CDKL5: variants seen among roughly 807,000 people sequenced by gnomAD.
CDKL5 encodes cyclin dependent kinase like 5.
Under a neutral mutation model 61.7 loss-of-function variants are expected in CDKL5, and 8 were observed. That is an observed-to-expected ratio of 0.13 (90% CI 0.08 to 0.23). The LOEUF is 0.23. CDKL5 is among the 10% of genes least tolerant of loss of function. The probability of loss-of-function intolerance (pLI) is 1.00; values close to 1 mark genes in which losing one functional copy is unlikely to be tolerated. For synonymous variants in CDKL5, 275 were observed against 272.3 expected, an observed-to-expected ratio of 1.01 and a Z score of -0.10; for missense variants, 440 against 734.5, an observed-to-expected ratio of 0.60 and a Z score of 4.63.
chrX:18,642,004 T>G, downstream of CDKL5: 1 of 1,211,250 alleles, frequency 8.3e-7, no homozygotes, highest in Non-Finnish European at 1.1e-6. Flanking sequence ...GAGGCAGGCA[T>G]CAGGCACACT....
At chrX:18,456,263 C>G (rs896404488) in intron 1 of CDKL5, among the ~76,000 whole-genome samples, 1 of 110,723 alleles carries the variant, frequency 9.0e-6, no homozygotes, top group Admixed American at 9.7e-5. Context: ...TGGTCGAACT[C>G]CTGACTTCAG....
At chrX:18,605,023 G>GT (rs1199949361) in intron 12 of CDKL5, among the ~76,000 whole-genome samples, 155 bp downstream of exon 12, 1 of 111,231 alleles carries the variant, frequency 9.0e-6, no homozygotes. Context: ...CCTAATCTCT[G>GT]TTTTTTTGTT....
chrX:18,615,572 C>T (rs1926690570), intron 15 of CDKL5, among the ~76,000 whole-genome samples: 1 of 111,125 alleles, frequency 9.0e-6, no homozygotes, highest in Non-Finnish European at 1.9e-5. Flanking sequence ...TACATGCCAC[C>T]ATGTCTGGCT....
At chrX:18,473,713 T>C (rs762503313) in intron 1 of CDKL5, among the ~76,000 whole-genome samples, 3 of 93,213 alleles carry the variant, frequency 3.2e-5, no homozygotes, top group Non-Finnish European at 4.3e-5. Context: ...CTTCTCTCTC[T>C]TTTTTTTTTT....
At chrX:18,544,468 C>T (rs2147118017) in intron 3 of CDKL5, among the ~76,000 whole-genome samples, 1 of 111,660 alleles carries the variant, frequency 9.0e-6, no homozygotes, top group African/African-American at 3.3e-5. Flanking sequence ...CTAATAGCAA[C>T]CTCAGGAATA....
chrX:18,572,248 C>G (rs1430311379), intron 4 of CDKL5, among the ~76,000 whole-genome samples: 1 of 111,692 alleles, frequency 9.0e-6, no homozygotes, highest in African/African-American at 3.3e-5. Flanking sequence ...GAATCTAGGT[C>G]TCCCTAGTTA....
At chrX:18,474,227 T>C (rs1921218410) in intron 1 of CDKL5, among the ~76,000 whole-genome samples, 1 of 111,550 alleles carries the variant, frequency 9.0e-6, no homozygotes, top group Admixed American at 9.6e-5. Flanking sequence ...TTTTGTTACC[T>C]TGATAGCATT....
At chrX:18,525,522 G>T (rs1450639128) in intron 3 of CDKL5, among the ~76,000 whole-genome samples, 3 of 111,174 alleles carry the variant, frequency 2.7e-5, no homozygotes, top group Non-Finnish European at 5.7e-5. Context: ...ATACCATATT[G>T]TCTTGATTAC....
intron 1 of CDKL5, among the ~76,000 whole-genome samples, chrX:18,498,077 G>A (rs1432150806): frequency 9.1e-6 from 1 of 109,827 alleles, no homozygotes; most frequent in Non-Finnish European, 1.9e-5. Flanking sequence ...TGATCCTTCC[G>A]CCTCAGCCTT....
At position 18,625,258 on chromosome X, in the gene CDKL5, C is replaced by G; in HGVS notation, c.2496+11C>G. 8.3e-7 allele frequency: 1 copy of G among 1,207,295 alleles called. No homozygotes were observed. The highest frequency in any genetic ancestry group is 1.1e-6 in the Non-Finnish European group (1 of 893,371). ...GATCTGCAGACCCAAGTGAGTGGAT[C>G]CTGCACCACTGCTAGACTCTCCAAC... On this transcript the variant is annotated intron_variant, in intron 17 of 17. Coordinates refer to ENST00000623535, the MANE Select transcript of CDKL5 (RefSeq NM_001323289.2).
At chrX:18,579,594 C>T (rs1197567905) in intron 5 of CDKL5, among the ~76,000 whole-genome samples, 1 of 110,307 alleles carries the variant, frequency 9.1e-6, no homozygotes, top group Non-Finnish European at 1.9e-5. Context: ...GCCTGAAAAC[C>T]TTTAGGGAGA....
rs1449425691 is a variant in CDKL5, at chrX:18,625,195, G to T, written c.2444G>T (p.Ser815Ile). 1 of 1,207,076 alleles carries T rather than the reference G, an allele frequency of 8.3e-7. No homozygotes were observed. Among genetic ancestry groups the T allele is most frequent in the Admixed American group, 2.2e-5 (1 of 45,873 alleles). ...TCCATTCATTCTGCTAGCACTCCAA[G>T]CAGCAGACCAAAGGAGTGGCGCCCC... ...QKSIHSASTP[S>I]SRPKEWRPEK... The change falls in exon 17 of 18, where the codon AGC (serine) becomes ATC (isoleucine). Residue 815 changes from serine to isoleucine, a missense_variant. By Grantham distance (142) the Ser-to-Ile change is moderately radical. Transcript: ENST00000623535.
Position 18,631,234 on chromosome X carries a change from G to T in CDKL5, c.*2477G>T. Reference sequence around the variant, plus strand: ...AACCTAATTGTTGAAGAGTCAATACGTACTTTTTGTACTTTCCCAGATTTG... The same window carrying T: ...AACCTAATTGTTGAAGAGTCAATACTTACTTTTTGTACTTTCCCAGATTTG... On this transcript the variant is annotated 3_prime_UTR_variant, in exon 18 of 18. Coordinates refer to ENST00000623535, the MANE Select transcript of CDKL5 (RefSeq NM_001323289.2). The T allele has an allele frequency of 1.3e-6, 1 of 751,965 alleles. No individual in the cohort carries two copies. The highest frequency in any genetic ancestry group is 1.6e-6 in the Non-Finnish European group (1 of 637,421). The allele number at this position is 751,965 out of a possible 1,213,427, so 62.0% of individuals were successfully genotyped here.
chrX:18,579,243 T>A (rs1054598916), intron 5 of CDKL5, among the ~76,000 whole-genome samples: 13 of 111,655 alleles, frequency 1.2e-4, no homozygotes, highest in African/African-American at 3.9e-4. Context: ...TAATAAAAAA[T>A]TTTGCATGAA....
At position 18,632,841 on chromosome X, in the gene CDKL5, T is replaced by C; in HGVS notation, c.*4084T>C. Reference sequence around the variant, plus strand: ...GCCCCTCTTAGTTAAGATCATAGTATCCTCACTTCTTAAACTAGTCTTTAG... The same window carrying C: ...GCCCCTCTTAGTTAAGATCATAGTACCCTCACTTCTTAAACTAGTCTTTAG... On this transcript the variant is annotated 3_prime_UTR_variant, in exon 18 of 18. Transcript: ENST00000623535. 1.1e-5 allele frequency: 8 copies of C among 753,315 alleles called. No homozygotes were observed. Among genetic ancestry groups the C allele is most frequent in the Non-Finnish European group, 1.3e-5 (8 of 638,259 alleles). 62.1% of individuals were successfully genotyped at this position (753,315 alleles called of 1,213,427 possible).
intron 3 of CDKL5, among the ~76,000 whole-genome samples, chrX:18,519,380 GA>G (rs1923165456): frequency 8.9e-6 from 1 of 112,043 alleles, no homozygotes; most frequent in Admixed American, 9.5e-5. Flanking sequence ...CTAACTAGGA[GA>G]ATATTGTGGG....
chrX:18,608,498 G>A (rs772029172), intron 12 of CDKL5, among the ~76,000 whole-genome samples: 1 of 111,194 alleles, frequency 9.0e-6, no homozygotes, highest in East Asian at 2.8e-4. Context: ...TCAGAGGGCC[G>A]CTCAGAACCA....
At chrX:18,459,909 G>A (rs1302621625) in intron 1 of CDKL5, among the ~76,000 whole-genome samples, 1 of 103,103 alleles carries the variant, frequency 9.7e-6, no homozygotes, top group Non-Finnish European at 2.0e-5. Flanking sequence ...TTTTGCTCTT[G>A]TTGCCCAGGC....
In CDKL5 at chrX:18,468,590, T is replaced by G. The variant is rs773658850; in HGVS notation, c.-162-38345T>G. On this transcript the variant is annotated intron_variant, in intron 1 of 17. Coordinates refer to ENST00000623535, the MANE Select transcript of CDKL5 (RefSeq NM_001323289.2). ...AATAACACCATCTTGTAAAATGATT[T>G]GTTCCCAGAGTTTTTCTAGATACGG... Among the ~76,000 whole-genome samples, 10 of 112,527 alleles carry G rather than the reference T, an allele frequency of 8.9e-5. No homozygotes were observed. In the East Asian group the frequency reaches 1.9e-3, roughly 22 times the overall value.
Sources: gnomAD v4.1 joint callset for allele counts (sites outside exome capture counted in the v4.1 genomes callset) on GRCh38, gnomAD v4.1.1 for gene constraint, MANE v1.5 for transcripts, NCBI Gene and HGNC (gene_info 2026-07-23, HGNC 2026-07-21) for gene names.